GPR179: variants seen among roughly 807,000 people sequenced by gnomAD.
The protein encoded by GPR179 is probable G protein-coupled receptor 179.
In GPR179, 52 loss-of-function variants were observed where a neutral mutation model predicts 70.8. The observed-to-expected ratio is 0.73, with a 90% CI of 0.59 to 0.93. The LOEUF (loss-of-function observed/expected upper bound fraction) is 0.93. Among genes scored for constraint, GPR179 ranks in the 40% least tolerant of loss-of-function variants. GPR179 has a pLI of 0.00. For synonymous variants in GPR179, 1,123 were observed against 1,169.0 expected, an observed-to-expected ratio of 0.96 and a Z score of 0.80; for missense variants, 2,734 against 2,966.8, an observed-to-expected ratio of 0.92 and a Z score of 1.82.
At position 38,331,523 on chromosome 17, in the gene GPR179, C is replaced by T; in HGVS notation, c.2046G>A (p.Leu682=). ...SLDPGDIRDE[L]KKLYAQLEVH... ...CCTCTAGCTGGGCATAGAGCTTCTT[C>T]AGCTCGTCCTGTGGGGCAGCAGGGA... Residue 682 remains leucine, a synonymous_variant, in exon 11 of 11, where the codon CTG becomes CTA. Coordinates refer to ENST00000616987, the MANE Select transcript of GPR179 (RefSeq NM_001004334.4). The T allele has an allele frequency of 6.2e-7, 1 of 1,602,476 alleles. No individual in the cohort carries two copies. The highest frequency in any genetic ancestry group is 1.1e-5 in the South Asian group (1 of 89,822).
rs563674113 is a variant in GPR179 at position 38,328,022 on chromosome 17, C to A, written c.5547G>T (p.Lys1849Asn). Reference sequence around the variant, plus strand: ...CTTCTCCCAGGGAAGTGAGTCTCCCCTTTTCTAGAGCTTTCTCCCTCTGCT... The same window carrying A: ...CTTCTCCCAGGGAAGTGAGTCTCCCATTTTCTAGAGCTTTCTCCCTCTGCT... Reference protein sequence around the residue: ...SAEQREKALEKGRLTSLGEDV... With the variant: ...SAEQREKALENGRLTSLGEDV... The change falls in exon 11 of 11, where the codon AAG becomes AAT. Residue 1849 changes from lysine to asparagine, a missense_variant. Coordinates refer to ENST00000616987, the MANE Select transcript of GPR179 (RefSeq NM_001004334.4). 1.9e-6 allele frequency: 3 copies of A among 1,614,150 alleles called. No individual in the cohort carries two copies. In the East Asian group the frequency reaches 6.7e-5, roughly 36 times the overall value.
intron 1 of GPR179, among the ~76,000 whole-genome samples, chr17:38,340,128 G>A (rs1272027981): frequency 6.6e-6 from 1 of 152,114 alleles, no homozygotes; most frequent in Non-Finnish European, 1.5e-5. Context: ...AGTTTTCCCT[G>A]AGTCTATTCT....
Position 38,328,839 on chromosome 17 carries a change from T to C in GPR179, c.4730A>G (p.Asp1577Gly). Reference protein sequence around the residue: ...SRATQVCPQEDLRPEAQEATP... With the variant: ...SRATQVCPQEGLRPEAQEATP... ...TGCTTCCTGTGCCTCCGGCCTGAGA[T>C]CTTCCTGTGGACACACCTGCGTTGC... is the stretch of plus-strand genomic sequence containing the variant. The change falls in exon 11 of 11, where the codon GAT becomes GGT. Residue 1577 changes from aspartate to glycine, a missense_variant. Coordinates refer to ENST00000616987, the MANE Select transcript of GPR179 (RefSeq NM_001004334.4). The C allele has an allele frequency of 6.2e-7, 1 of 1,612,654 alleles. No homozygotes were observed. Among genetic ancestry groups the C allele is most frequent in the Non-Finnish European group, 8.5e-7 (1 of 1,179,656 alleles).
Position 38,326,701 on chromosome 17 carries a change from T to A in GPR179, c.6868A>T (p.Ser2290Cys). The change falls in exon 11 of 11, where the codon AGC becomes TGC. Residue 2290 changes from serine (S) to cysteine (C), a missense_variant. Transcript: ENST00000616987. ...CTTACCTTGGGGCAGGGGATTTTGC[T>A]TTCTGGAAAGAAGTGATCCAGAGGC... ...HGPLDHFFPE[S>C]KIPCPKVSRP... The A allele has an allele frequency of 6.2e-7, 1 of 1,614,158 alleles. No homozygotes were observed. Among genetic ancestry groups the A allele is most frequent in the Non-Finnish European group, 8.5e-7 (1 of 1,180,014 alleles).
Position 38,343,268 on chromosome 17 carries a change from G to A in GPR179, c.522C>T (p.Ile174=), listed in dbSNP as rs377062748. Residue 174 remains isoleucine, a synonymous_variant, in exon 1 of 11, where the codon ATC becomes ATT. Coordinates refer to ENST00000616987, the MANE Select transcript of GPR179 (RefSeq NM_001004334.4). This position sits in a 1 kb window ranked among gnomAD's most constrained non-coding sequence, Gnocchi z 4.2. ...CCCAGTTCCCAGACAAGTCCTGCAGGATGGTTTCCTCCCCAGTCCGGGTGG... is the reference window on the plus strand; with the variant it reads ...CCCAGTTCCCAGACAAGTCCTGCAGAATGGTTTCCTCCCCAGTCCGGGTGG... ...LQATRTGEET[I]LQDLSGNWVQ... 8.1e-5 allele frequency: 131 copies of A among 1,614,172 alleles called. No homozygotes were observed. The highest frequency in any genetic ancestry group is 1.1e-4 in the Non-Finnish European group (128 of 1,180,026).
Position 38,327,236 on chromosome 17 carries a change from T to C in GPR179, c.6333A>G (p.Val2111=). 3 of 1,614,230 alleles carry C rather than the reference T, an allele frequency of 1.9e-6. No homozygotes were observed. Among genetic ancestry groups the C allele is most frequent in the Non-Finnish European group, 2.5e-6 (3 of 1,180,032 alleles). ...SEAAGSVETR[V]AEVCLWEVVE... ...CCACTTCCCACAGACACACTTCCGC[T>C]ACCCTGGTCTCCACACTGCCTGCTG... The change falls in exon 11 of 11, where the codon GTA becomes GTG. Residue 2111 remains valine, a synonymous_variant. Coordinates refer to ENST00000616987, the MANE Select transcript of GPR179 (RefSeq NM_001004334.4).
rs779585261 is a variant in GPR179 at position 38,329,799 on chromosome 17, T to A, written c.3770A>T (p.Asp1257Val). Residue 1257 changes from aspartate (D) to valine (V), a missense_variant, in exon 11 of 11, where the codon GAC becomes GTC. By Grantham distance (152) the Asp-to-Val change is radical. Transcript: ENST00000616987. Reference sequence around the variant, plus strand: ...GCAGATTTCGGCCTTGTTGCCACTGTCTGGCTGACGCGTTTCTGATTCAGT... The same window carrying A: ...GCAGATTTCGGCCTTGTTGCCACTGACTGGCTGACGCGTTTCTGATTCAGT... ...EVTESETRQPDSGNKAEICPW... is the reference protein window; with the variant it reads ...EVTESETRQPVSGNKAEICPW... 5 of 1,614,052 alleles carry A rather than the reference T, an allele frequency of 3.1e-6. No homozygotes were observed. Among genetic ancestry groups the A allele is most frequent in the Non-Finnish European group, 4.2e-6 (5 of 1,180,000 alleles).
intron 10 of GPR179, among the ~76,000 whole-genome samples, chr17:38,332,076 G>A: frequency 6.6e-6 from 1 of 151,508 alleles, no homozygotes; most frequent in Admixed American, 6.6e-5. Flanking sequence ...TGGAGGGTCA[G>A]GGGTGGAGCT....
In GPR179 at chr17:38,330,538, C is replaced by A; in HGVS notation, c.3031G>T (p.Gly1011Cys). Residue 1011 changes from glycine to cysteine, a missense_variant, in exon 11 of 11, where the codon GGC (glycine) becomes TGC (cysteine). By Grantham distance (159) the Gly-to-Cys change is radical. Transcript: ENST00000616987. ...TGGCCTCGCTCTGGCCCTGAGGGGC[C>A]TTCCTGGGGCACATTTTCTTGCTTG... ...PAKQENVPQEGPSGPERGHHS... is the reference protein window; with the variant it reads ...PAKQENVPQECPSGPERGHHS... 1 of 1,565,906 alleles carries A rather than the reference C, an allele frequency of 6.4e-7. No homozygotes were observed. The highest frequency in any genetic ancestry group is 8.6e-7 in the Non-Finnish European group (1 of 1,158,716).
In GPR179 at chr17:38,331,184, G is replaced by A; in HGVS notation, c.2385C>T (p.Ala795=). The part of the protein sequence containing the change: ...LLDSLLRRKL[A]KKASRTESRE... ...GGCTCTCTGTTCGAGAGGCCTTCTT[G>A]GCCAGCTTCCTCCTCAGCAGTGAGT... Residue 795 remains alanine (A), a synonymous_variant, in exon 11 of 11, where the codon GCC becomes GCT. Coordinates refer to ENST00000616987, the MANE Select transcript of GPR179 (RefSeq NM_001004334.4). 1 of 1,608,510 alleles carries A rather than the reference G, an allele frequency of 6.2e-7. No homozygotes were observed. The highest frequency in any genetic ancestry group is 1.1e-5 in the South Asian group (1 of 90,404).
chr17:38,327,534 C>T lies in GPR179; in HGVS notation c.6035G>A (p.Ser2012Asn). The T allele has an allele frequency of 6.2e-7, 1 of 1,614,142 alleles. No individual in the cohort carries two copies. Among genetic ancestry groups the T allele is most frequent in the Non-Finnish European group, 8.5e-7 (1 of 1,180,016 alleles). ...GGGACAGGTCTCAGCCTTGGCACTG[C>T]TGTCAGATTTATACACACCTGCATC... ...VPDAGVYKSD[S>N]SAKAETCPWE... The change falls in exon 11 of 11, where the codon AGC becomes AAC. Residue 2012 changes from serine to asparagine, a missense_variant. Transcript: ENST00000616987.
chr17:38,341,409 A>G (rs1395539432), intron 1 of GPR179, among the ~76,000 whole-genome samples: 1 of 152,196 alleles, frequency 6.6e-6, no homozygotes, highest in Non-Finnish European at 1.5e-5. Flanking sequence ...CTCTCTGCCC[A>G]AGCCAGGTCT....
In GPR179 at chr17:38,326,872, T is replaced by C. The variant is rs375908513; in HGVS notation, c.6697A>G (p.Lys2233Glu). 1.5e-5 allele frequency: 24 copies of C among 1,614,214 alleles called. No homozygotes were observed. Among genetic ancestry groups the C allele is most frequent in the Middle Eastern group, 3.3e-4 (2 of 6,062 alleles). Reference sequence around the variant, plus strand: ...ATGTCTGCCATGGTACCCTTTATTTTATTTCCTTCTGGATCTGTGATTTCC... The same window carrying C: ...ATGTCTGCCATGGTACCCTTTATTTCATTTCCTTCTGGATCTGTGATTTCC... ...QWEITDPEGN[K>E]IKGTMADICP... The change falls in exon 11 of 11, where the codon AAA becomes GAA. Residue 2233 changes from lysine to glutamate, a missense_variant. By Grantham distance (56) the Lys-to-Glu change is moderately conservative. Transcript: ENST00000616987.
chr17:38,326,967 T>C lies in GPR179; in HGVS notation c.6602A>G (p.Asp2201Gly). ...GGLLPQSGAL[D>G]PELKVSPKEA... Reference sequence around the variant, plus strand: ...CTTGGGGCTGACTTTGAGTTCTGGGTCCAGGGCACCTGACTGGGGCAAGAG... The same window carrying C: ...CTTGGGGCTGACTTTGAGTTCTGGGCCCAGGGCACCTGACTGGGGCAAGAG... Residue 2201 changes from aspartate (D) to glycine (G), a missense_variant, in exon 11 of 11, where the codon GAC becomes GGC. Asp to Gly is a moderately conservative substitution (Grantham distance 94). Transcript: ENST00000616987. 6.2e-7 allele frequency: 1 copy of C among 1,614,136 alleles called. No homozygotes were observed. Among genetic ancestry groups the C allele is most frequent in the Non-Finnish European group, 8.5e-7 (1 of 1,180,044 alleles).
chr17:38,336,146 T>C lies in GPR179; in HGVS notation c.1228-2A>G. 1.2e-6 allele frequency: 2 copies of C among 1,608,136 alleles called. No homozygotes were observed. The highest frequency in any genetic ancestry group is 1.7e-6 in the Non-Finnish European group (2 of 1,174,478). On this transcript the variant is annotated splice_acceptor_variant, in intron 4 of 10. Transcript: ENST00000616987. LOFTEE classifies it high-confidence loss of function. The stretch of plus-strand genomic sequence containing the variant: ...GACCACTCCAGATGCCCAGATCCTC[T>C]GTGAAGCAAGGAGAGAGGCATGTGA...
Position 38,329,017 on chromosome 17 carries a change from C to T in GPR179, c.4552G>A (p.Gly1518Arg), listed in dbSNP as rs769524780. The T allele has an allele frequency of 1.5e-5, 24 of 1,614,062 alleles. No homozygotes were observed. Among genetic ancestry groups the T allele is most frequent in the Non-Finnish European group, 1.9e-5 (22 of 1,180,038 alleles). Reference protein sequence around the residue: ...ASRKGSFGEMGEQTVKAVQKL... With the variant: ...ASRKGSFGEMREQTVKAVQKL... Reference sequence around the variant, plus strand: ...TGCACTGCTTTCACAGTTTGTTCCCCCATCTCTCCAAAGCTTCCTTTTCTG... The same window carrying T: ...TGCACTGCTTTCACAGTTTGTTCCCTCATCTCTCCAAAGCTTCCTTTTCTG... Residue 1518 changes from glycine (G) to arginine (R), a missense_variant, in exon 11 of 11, where the codon GGG becomes AGG. By Grantham distance (125) the Gly-to-Arg change is moderately radical (BLOSUM62 -2). Coordinates refer to ENST00000616987, the MANE Select transcript of GPR179 (RefSeq NM_001004334.4).
intron 1 of GPR179, among the ~76,000 whole-genome samples, chr17:38,340,849 C>T (rs919222702): frequency 1.1e-4 from 16 of 152,146 alleles, no homozygotes; most frequent in African/African-American, 3.9e-4. Context: ...ACCCAGGAGG[C>T]GGAGGTTGCA....
rs1328752859 is a variant in GPR179, at chr17:38,326,661, G to A, written c.6908C>T (p.Thr2303Ile). ...PCPKVSRPAS[T>I]FTLEGVRELQ... ...TTCTCTGACACCTTCTAGAGTGAAA[G>A]TACTGGCTGGCCTGCTTACCTTGGG... is the stretch of plus-strand genomic sequence containing the variant. The change falls in exon 11 of 11, where the codon ACT (threonine) becomes ATT (isoleucine). Residue 2303 changes from threonine (T) to isoleucine (I), a missense_variant. By Grantham distance (89) the Thr-to-Ile change is moderately conservative. Transcript: ENST00000616987. 1.2e-6 allele frequency: 2 copies of A among 1,614,058 alleles called. No individual in the cohort carries two copies. Among genetic ancestry groups the A allele is most frequent in the Admixed American group, 1.7e-5 (1 of 59,998 alleles).
Position 38,328,042 on chromosome 17 carries a change from T to C in GPR179, c.5527A>G (p.Arg1843Gly), listed in dbSNP as rs1382705778. ...CTCCCCTTTTCTAGAGCTTTCTCCC[T>C]CTGCTCTGCTGATTCACTCCCTGCC... ...QKAGSESAEQ[R>G]EKALEKGRLT... is the part of the protein sequence containing the mutation. The change falls in exon 11 of 11, where the codon AGG becomes GGG. Residue 1843 changes from arginine (R) to glycine (G), a missense_variant. Physicochemically the swap from Arg to Gly is moderately radical, Grantham distance 125 (BLOSUM62 -2). Coordinates refer to ENST00000616987, the MANE Select transcript of GPR179 (RefSeq NM_001004334.4). The C allele has an allele frequency of 1.2e-6, 2 of 1,614,044 alleles. No individual in the cohort carries two copies. Among genetic ancestry groups the C allele is most frequent in the Non-Finnish European group, 1.7e-6 (2 of 1,180,042 alleles).
Sources: gnomAD v4.1 joint callset for allele counts (sites outside exome capture counted in the v4.1 genomes callset) on GRCh38, gnomAD v4.1.1 for gene constraint, Gnocchi (gnomAD v3.1) non-coding constraint, MANE v1.5 for transcripts, NCBI Gene and HGNC (gene_info 2026-07-23, HGNC 2026-07-21) for gene names.